CSNK1G3: variants seen among roughly 807,000 people sequenced by gnomAD.
CSNK1G3 encodes the protein casein kinase I isoform gamma-3.
CSNK1G3 carries 23 observed loss-of-function variants against 64.3 expected under a neutral mutation model. That is an observed-to-expected ratio of 0.36 (90% CI 0.26 to 0.51). The LOEUF (loss-of-function observed/expected upper bound fraction) is 0.51. CSNK1G3 is among the 20% of genes least tolerant of loss of function. CSNK1G3 has a pLI of 0.96. For synonymous variants in CSNK1G3, 158 were observed against 162.2 expected (o/e 0.97, Z 0.20); for missense variants, 357 against 510.5 (o/e 0.70, Z 2.90).
exon 13 of CSNK1G3, chr5:123,614,490 A>G: frequency 9.4e-7 from 1 of 1,064,160 alleles, no homozygotes; most frequent in Non-Finnish European, 1.3e-6. Flanking sequence ...TATATTTTCA[A>G]GGACTCACTC....
chr5:123,552,277 C>T lies in CSNK1G3; in HGVS notation c.179-830C>T, dbSNP rs567312697. ...TCTCCTGCCTCAGCCTCCTGAGTAG[C>T]TGGGATTACAGGCGTGCGCCACCAT... On this transcript the variant is annotated intron_variant, in intron 2 of 12. Transcript: ENST00000345990. Among the ~76,000 whole-genome samples, 24 of 152,014 alleles carry T rather than the reference C, an allele frequency of 1.6e-4. No homozygotes were observed. In the South Asian group the frequency reaches 5.0e-3, roughly 32 times the overall value.
intron 10 of CSNK1G3, among the ~76,000 whole-genome samples, chr5:123,593,950 A>G (rs1377165385): frequency 2.0e-5 from 3 of 152,080 alleles, no homozygotes; most frequent in Non-Finnish European, 2.9e-5. Context: ...AAGAAAGAAA[A>G]GAGTACTGAA....
At chr5:123,608,283 T>C (rs954873204) in intron 12 of CSNK1G3, among the ~76,000 whole-genome samples, 19 of 152,202 alleles carry the variant, frequency 1.2e-4, no homozygotes, top group Admixed American at 1.3e-4. Context: ...AGCATCCTCA[T>C]GTTTCCTGAG....
intron 4 of CSNK1G3, among the ~76,000 whole-genome samples, chr5:123,560,544 A>G (rs1302352163): frequency 6.6e-6 from 1 of 152,124 alleles, no homozygotes; most frequent in African/African-American, 2.4e-5. Flanking sequence ...TTAAAAAGGA[A>G]GGCTAGGTGT....
At chr5:123,553,591 A>G (rs1784088232) in intron 3 of CSNK1G3, among the ~76,000 whole-genome samples, 1 of 152,196 alleles carries the variant, frequency 6.6e-6, no homozygotes, top group Admixed American at 6.5e-5. Flanking sequence ...ATATATGGCA[A>G]AGCTGGCTAT....
At chr5:123,592,961 T>C (rs1581343595) in intron 10 of CSNK1G3, among the ~76,000 whole-genome samples, 1 of 151,926 alleles carries the variant, frequency 6.6e-6, no homozygotes, top group Admixed American at 6.6e-5. Context: ...ATTCCTTGAA[T>C]GTACTTGGAA....
chr5:123,531,674 A>G (rs745796087), intron 1 of CSNK1G3, among the ~76,000 whole-genome samples: 1 of 152,028 alleles, frequency 6.6e-6, no homozygotes, highest in African/African-American at 2.4e-5. Context: ...TATTTCAATA[A>G]GTTAGTAAAC....
chr5:123,546,455 T>G (rs1782532274), intron 2 of CSNK1G3, among the ~76,000 whole-genome samples: 1 of 152,044 alleles, frequency 6.6e-6, no homozygotes, highest in Non-Finnish European at 1.5e-5. Flanking sequence ...CAATTGGAAC[T>G]CAGTGAGGGA....
intron 1 of CSNK1G3, among the ~76,000 whole-genome samples, chr5:123,517,634 G>T (rs1472503475): frequency 6.6e-6 from 1 of 152,098 alleles, no homozygotes; most frequent in Admixed American, 6.5e-5. Flanking sequence ...GAAATCACAG[G>T]TGTTGTTTTA....
At chr5:123,599,786 A>G (rs1794120467) in intron 10 of CSNK1G3, among the ~76,000 whole-genome samples, 1 of 152,122 alleles carries the variant, frequency 6.6e-6, no homozygotes, top group Non-Finnish European at 1.5e-5. Context: ...TATTACATAA[A>G]TAATTTATAG....
chr5:123,609,658 A>G (rs1795976030), intron 12 of CSNK1G3, among the ~76,000 whole-genome samples: 1 of 152,196 alleles, frequency 6.6e-6, no homozygotes, highest in South Asian at 2.1e-4. Context: ...TGGAAAGAAG[A>G]GCATGTGCAA....
At chr5:123,581,360 G>GTTTTTTTTTTTTTTTTTTTGTTTTT (rs1790223512) in intron 6 of CSNK1G3, among the ~76,000 whole-genome samples, 1 of 81,602 alleles carries the variant, frequency 1.2e-5, no homozygotes, top group East Asian at 3.5e-4. Flanking sequence ...TTTTGGGTTT[G>GTTTTTTTTTTTTTTTTTTTGTTTTT]TTTTTTTTTT....
At chr5:123,581,341 CTTT>C (rs1416394333) in intron 6 of CSNK1G3, among the ~76,000 whole-genome samples, 35 of 98,516 alleles carry the variant, frequency 3.6e-4, no homozygotes, top group African/African-American at 3.8e-5. Context: ...AATAGATTCT[CTTT>C]TTGTTTTTTG....
chr5:123,533,293 C>G lies in CSNK1G3; in HGVS notation c.-247-12124C>G, dbSNP rs114156440. Among the ~76,000 whole-genome samples the G allele has an allele frequency of 9.0e-3, 1,374 of 152,020 alleles. 22 individuals are homozygous for G. Among genetic ancestry groups the G allele is most frequent in the African/African-American group, 0.031 (1,307 of 41,516 alleles). ...AATTGTAGTATTATTTTAACACTGT[C>G]AAGGTTGGTTAAATTTATATTTTTA... On this transcript the variant is annotated intron_variant, in intron 1 of 12. Transcript: ENST00000345990.
At chr5:123,585,128 T>C (rs956150199) in intron 6 of CSNK1G3, among the ~76,000 whole-genome samples, 2 of 152,166 alleles carry the variant, frequency 1.3e-5, no homozygotes, top group Non-Finnish European at 2.9e-5. Flanking sequence ...TACAGATAAG[T>C]TGGTCAGAAT....
At chr5:123,557,072 T>A (rs1784788420) in intron 3 of CSNK1G3, among the ~76,000 whole-genome samples, 1 of 152,148 alleles carries the variant, frequency 6.6e-6, no homozygotes. Flanking sequence ...TTGTTGCTAC[T>A]ATCAAAATTT....
At chr5:123,557,657 A>G in intron 4 of CSNK1G3, 93 bp downstream of exon 4, 1 of 795,256 alleles carries the variant, frequency 1.3e-6, no homozygotes, top group South Asian at 1.8e-5. Context: ...TGGTTAAGGA[A>G]ATCACTTTGC....
intron 2 of CSNK1G3, among the ~76,000 whole-genome samples, chr5:123,550,207 T>C (rs530804735): frequency 6.6e-6 from 1 of 152,340 alleles, no homozygotes; most frequent in African/African-American, 2.4e-5. Flanking sequence ...AAATGGTTTA[T>C]TTTCATTTCA....
intron 6 of CSNK1G3, among the ~76,000 whole-genome samples, chr5:123,587,475 C>G (rs1375132587): frequency 6.6e-6 from 1 of 152,138 alleles, no homozygotes; most frequent in Non-Finnish European, 1.5e-5. Context: ...CATTTTGTTA[C>G]AACAACAACT....
Sources: gnomAD v4.1 joint callset for allele counts (sites outside exome capture counted in the v4.1 genomes callset) on GRCh38, gnomAD v4.1.1 for gene constraint, MANE v1.5 for transcripts, NCBI Gene and HGNC (gene_info 2026-07-23, HGNC 2026-07-21) for gene names.